The following GREM2 variants were observed in gnomAD, a reference collection of about 807,000 sequenced individuals.
The protein encoded by GREM2 is gremlin-2.
In GREM2, 11 loss-of-function variants were observed where a neutral mutation model predicts 14.2. That is an observed-to-expected ratio of 0.78 (90% CI 0.49 to 1.28). The LOEUF is 1.28. Among genes scored for constraint, GREM2 ranks in the 50% most tolerant of loss-of-function variants. GREM2 has a pLI of 0.00. For synonymous variants in GREM2, 98 were observed against 97.6 expected, an observed-to-expected ratio of 1.00 and a Z score of -0.02; for missense variants, 210 against 218.5, an observed-to-expected ratio of 0.96 and a Z score of 0.24.
chr1:240,541,989 A>T (rs1215152031), intron 1 of GREM2, among the ~76,000 whole-genome samples: 7 of 152,152 alleles, frequency 4.6e-5, no homozygotes, highest in Non-Finnish European at 1.5e-5. Flanking sequence ...GAAATGATAT[A>T]TTGATGACAT....
intron 1 of GREM2, among the ~76,000 whole-genome samples, chr1:240,586,120 A>T (rs1258703752): frequency 6.6e-6 from 1 of 152,206 alleles, no homozygotes; most frequent in Non-Finnish European, 1.5e-5. Context: ...AGCAAATTTA[A>T]GAAAAATTTT....
chr1:240,537,724 G>T (rs552986673), intron 1 of GREM2, among the ~76,000 whole-genome samples: 1 of 152,286 alleles, frequency 6.6e-6, no homozygotes, highest in South Asian at 2.1e-4. Context: ...GGCGGAGGTT[G>T]CAGTGAGCCG....
At chr1:240,553,248 A>C (rs1174323398) in intron 1 of GREM2, among the ~76,000 whole-genome samples, 1 of 152,226 alleles carries the variant, frequency 6.6e-6, no homozygotes, top group Non-Finnish European at 1.5e-5. Context: ...TTCCAGCCTT[A>C]TCATTCTATT....
rs763321765 is a variant in GREM2 at position 240,493,541 on chromosome 1, A to ATT, written c.-1-67_-1-66dup. ...GTAGAGTACGGGATCAATCTTACTTATTTTTTTTTTTATTTTAGACATGGT... is the reference window on the plus strand; with the variant it reads ...GTAGAGTACGGGATCAATCTTACTTATTTTTTTTTTTTTATTTTAGACATGGT... On this transcript the variant is annotated intron_variant, in intron 1 of 1. Coordinates refer to ENST00000318160, the MANE Select transcript of GREM2 (RefSeq NM_022469.4). 193 of 1,220,838 alleles carry ATT rather than the reference A, an allele frequency of 1.6e-4. No individual in the cohort carries two copies. The African/African-American group carries it at 2.6e-3, about 17-fold the overall frequency. The allele number at this position is 1,220,838 out of a possible 1,614,324, so 75.6% of individuals were successfully genotyped here.
At chr1:240,563,303 T>TA (rs965320428) in intron 1 of GREM2, among the ~76,000 whole-genome samples, 4 of 151,882 alleles carry the variant, frequency 2.6e-5, no homozygotes, top group Admixed American at 6.6e-5. Flanking sequence ...TGCAGTGTTC[T>TA]AAAAAAAATA....
chr1:240,548,781 C>T (rs1337137701), intron 1 of GREM2, among the ~76,000 whole-genome samples: 1 of 152,024 alleles, frequency 6.6e-6, no homozygotes, highest in African/African-American at 2.4e-5. Context: ...AATGAATGCT[C>T]AGGTTGAAGG....
At chr1:240,582,092 T>A (rs1023533130) in intron 1 of GREM2, among the ~76,000 whole-genome samples, 1 of 152,194 alleles carries the variant, frequency 6.6e-6, no homozygotes, top group African/African-American at 2.4e-5. Context: ...GTGATGCTGG[T>A]GTAGCCTGCC....
rs188741925 is a variant in GREM2, at chr1:240,513,511, G to A, written c.-1-20035C>T. On this transcript the variant is annotated intron_variant, in intron 1 of 1. Transcript: ENST00000318160. Reference sequence around the variant, plus strand: ...AATCGCTTTAACCTGGGAGACAGAGGTTGCAGTGAGCCGAGATCACACCAT... The same window carrying A: ...AATCGCTTTAACCTGGGAGACAGAGATTGCAGTGAGCCGAGATCACACCAT... Among the ~76,000 whole-genome samples the A allele has an allele frequency of 6.1e-5, 9 of 148,574 alleles. No homozygotes were observed. The East Asian group carries it at 1.8e-3, about 29-fold the overall frequency.
At chr1:240,541,052 C>G (rs908362692) in intron 1 of GREM2, among the ~76,000 whole-genome samples, 6 of 152,176 alleles carry the variant, frequency 3.9e-5, no homozygotes, top group Non-Finnish European at 8.8e-5. Flanking sequence ...CTCTTTGGCT[C>G]ACACCAATGG....
chr1:240,521,555 T>G (rs377306168), intron 1 of GREM2, among the ~76,000 whole-genome samples: 1 of 151,638 alleles, frequency 6.6e-6, no homozygotes, highest in Non-Finnish European at 1.5e-5. Flanking sequence ...TGGGCGACAG[T>G]GTGAGACTCC....
chr1:240,561,726 A>ACACACACACAC (rs58405102), intron 1 of GREM2, among the ~76,000 whole-genome samples: 3 of 151,202 alleles, frequency 2.0e-5, no homozygotes, highest in African/African-American at 7.3e-5. Flanking sequence ...ACACACACAC[A>ACACACACACAC]AACTGCCATA....
At chr1:240,529,706 G>T (rs1486658026) in intron 1 of GREM2, among the ~76,000 whole-genome samples, 1 of 152,060 alleles carries the variant, frequency 6.6e-6, no homozygotes, top group African/African-American at 2.4e-5. Flanking sequence ...TGGTAATGGG[G>T]TGAGCATATT....
chr1:240,504,295 T>C (rs1558139799), intron 1 of GREM2, among the ~76,000 whole-genome samples: 1 of 152,226 alleles, frequency 6.6e-6, no homozygotes, highest in African/African-American at 2.4e-5. Context: ...GATCTAATAT[T>C]CTTTGTTATT....
Position 240,544,123 on chromosome 1 carries a change from G to A in GREM2, c.-1-50647C>T, listed in dbSNP as rs1678660345. Among the ~76,000 whole-genome samples the A allele has an allele frequency of 2.0e-5, 3 of 151,164 alleles. No homozygotes were observed. In the South Asian group the frequency reaches 6.3e-4, roughly 32 times the overall value. On this transcript the variant is annotated intron_variant, in intron 1 of 1. Coordinates refer to ENST00000318160, the MANE Select transcript of GREM2 (RefSeq NM_022469.4). ...GATGGTTTAAAGTAGAAGAAAGACT[G>A]TGCATAGATTATATGCAAGCACTAG... is the stretch of plus-strand genomic sequence containing the variant.
intron 1 of GREM2, among the ~76,000 whole-genome samples, chr1:240,600,510 TTTTGCTCTTG>T (rs1679900998): frequency 1.3e-5 from 2 of 152,144 alleles, no homozygotes; most frequent in South Asian, 4.2e-4. Flanking sequence ...TGAGATGGAG[TTTTGCTCTTG>T]TCACCTAGGC....
intron 1 of GREM2, among the ~76,000 whole-genome samples, chr1:240,523,059 C>T (rs957321795): frequency 6.6e-6 from 1 of 152,172 alleles, no homozygotes; most frequent in South Asian, 2.1e-4. Flanking sequence ...ACTTTCAACC[C>T]ATCCCTGACC....
At chr1:240,539,840 C>T (rs916301022) in intron 1 of GREM2, among the ~76,000 whole-genome samples, 2 of 152,224 alleles carry the variant, frequency 1.3e-5, no homozygotes, top group African/African-American at 4.8e-5. Context: ...CTGCTTCACA[C>T]TGACAGCAAC....
chr1:240,607,129 A>T (rs1458881260), intron 1 of GREM2, among the ~76,000 whole-genome samples: 1 of 152,228 alleles, frequency 6.6e-6, no homozygotes, highest in East Asian at 1.9e-4. Context: ...GCAAATAATC[A>T]TTCTTTAACT....
rs1463510482 is a variant in GREM2 at position 240,559,305 on chromosome 1, G to A, written c.-2+52579C>T. 2.7e-5 allele frequency among the ~76,000 whole-genome samples: 4 copies of A among 150,272 alleles called. No individual in the cohort carries two copies. The South Asian group carries it at 8.5e-4, about 32-fold the overall frequency. ...GTACAATACATACTTTTTAAAAATCGGTCATTAGTATCACCGCCAATCTCA... is the reference window on the plus strand; with the variant it reads ...GTACAATACATACTTTTTAAAAATCAGTCATTAGTATCACCGCCAATCTCA... On this transcript the variant is annotated intron_variant, in intron 1 of 1. Transcript: ENST00000318160.
Sources: allele counts gnomAD v4.1 joint callset (sites outside exome capture counted in the v4.1 genomes callset), GRCh38; gene constraint gnomAD v4.1.1; transcripts MANE v1.5; gene names NCBI Gene and HGNC (gene_info 2026-07-23, HGNC 2026-07-21).